Variants in FBXL7 observed in about 807,000 individuals in gnomAD.
The protein encoded by FBXL7 is F-box and leucine rich repeat protein 7.
A neutral mutation model predicts 38.3 loss-of-function variants in FBXL7; 12 were observed. The ratio of observed to expected loss-of-function variants is 0.31; its 90% CI spans 0.20 to 0.51. FBXL7 has a LOEUF of 0.51. Among genes scored for constraint, FBXL7 ranks in the 20% least tolerant of loss-of-function variants. The pLI is 0.98. For synonymous variants in FBXL7, 297 were observed against 300.9 expected, an observed-to-expected ratio of 0.99 and a Z score of 0.13; for missense variants, 567 against 676.4, an observed-to-expected ratio of 0.84 and a Z score of 1.79.
intron 2 of FBXL7, among the ~76,000 whole-genome samples, chr5:15,883,052 G>A (rs367815019): frequency 1.3e-5 from 2 of 151,866 alleles, no homozygotes; most frequent in African/African-American, 2.4e-5. Context: ...CTTTCAAAAT[G>A]GCAGCCAACT....
chr5:15,547,791 A>G (rs932272779), intron 1 of FBXL7, among the ~76,000 whole-genome samples: 15 of 152,190 alleles, frequency 9.9e-5, no homozygotes, highest in Non-Finnish European at 1.9e-4. Context: ...AGGATGGTGT[A>G]TCCCCAGCAC....
chr5:15,877,994 C>G (rs756738141), intron 2 of FBXL7, among the ~76,000 whole-genome samples: 1 of 152,088 alleles, frequency 6.6e-6, no homozygotes, highest in Non-Finnish European at 1.5e-5. Context: ...CCTAAAGGGG[C>G]GAGGTGCTGG....
intron 2 of FBXL7, among the ~76,000 whole-genome samples, chr5:15,798,493 A>T (rs1266071678): frequency 1.3e-5 from 2 of 152,236 alleles, no homozygotes; most frequent in African/African-American, 4.8e-5. Context: ...ATTTTCCCAA[A>T]AAATGGAGCA....
At chr5:15,503,219 A>AGCCTGT (rs1736547751) in intron 1 of FBXL7, among the ~76,000 whole-genome samples, 1 of 152,180 alleles carries the variant, frequency 6.6e-6, no homozygotes, top group African/African-American at 2.4e-5. Context: ...TCAGGAGTTC[A>AGCCTGT]AGACCAGGCT....
intron 1 of FBXL7, among the ~76,000 whole-genome samples, chr5:15,516,109 A>G (rs1467934792): frequency 1.3e-5 from 2 of 152,022 alleles, no homozygotes; most frequent in Admixed American, 6.5e-5. Flanking sequence ...TTTTTTTGAT[A>G]CACCGAGTAC....
At chr5:15,828,570 G>A (rs558587095) in intron 2 of FBXL7, among the ~76,000 whole-genome samples, 2 of 152,260 alleles carry the variant, frequency 1.3e-5, no homozygotes, top group East Asian at 1.9e-4. Context: ...TCTATTAATT[G>A]AACACCTTCT....
At chr5:15,898,829 T>TTTCATCTGGGATGTCAC (rs1472467888) in intron 2 of FBXL7, among the ~76,000 whole-genome samples, 1 of 152,204 alleles carries the variant, frequency 6.6e-6, no homozygotes, top group Admixed American at 6.5e-5. Context: ...TTCTGTTGCC[T>TTTCATCTGGGATGTCAC]TTCATCTGGG....
chr5:15,566,021 T>C (rs1738563321), intron 1 of FBXL7, among the ~76,000 whole-genome samples: 2 of 152,208 alleles, frequency 1.3e-5, no homozygotes, highest in South Asian at 4.1e-4. Flanking sequence ...ATCACACGTG[T>C]AAAACTTTCC....
chr5:15,926,248 A>G (rs992643571), intron 2 of FBXL7, among the ~76,000 whole-genome samples: 6 of 150,888 alleles, frequency 4.0e-5, no homozygotes, highest in Non-Finnish European at 8.8e-5. Context: ...AAATAAAACC[A>G]TATATGTGGT....
chr5:15,821,519 A>G (rs1033691406), intron 2 of FBXL7, among the ~76,000 whole-genome samples: 6 of 152,128 alleles, frequency 3.9e-5, no homozygotes, highest in African/African-American at 1.4e-4. Context: ...AATTTACTTA[A>G]CCTCTCAGAA....
At chr5:15,640,430 G>C (rs1299707674) in intron 2 of FBXL7, among the ~76,000 whole-genome samples, 1 of 152,092 alleles carries the variant, frequency 6.6e-6, no homozygotes, top group African/African-American at 2.4e-5. Context: ...GGTCCACTCT[G>C]CTGCAGGATA....
chr5:15,800,803 C>T (rs1231672238), intron 2 of FBXL7, among the ~76,000 whole-genome samples: 1 of 152,128 alleles, frequency 6.6e-6, no homozygotes, highest in African/African-American at 2.4e-5. Context: ...AGGCTAGTTA[C>T]CTCGGAAGTT....
At chr5:15,642,424 G>A (rs562813524) in intron 2 of FBXL7, among the ~76,000 whole-genome samples, 1 of 152,332 alleles carries the variant, frequency 6.6e-6, no homozygotes, top group African/African-American at 2.4e-5. Flanking sequence ...AACTCACAGA[G>A]TAAGAACGTT....
intron 2 of FBXL7, among the ~76,000 whole-genome samples, chr5:15,796,794 A>T (rs553753051): frequency 1.5e-4 from 23 of 152,212 alleles, no homozygotes; most frequent in Non-Finnish European, 2.6e-4. Flanking sequence ...TCCTTCCACA[A>T]CCTGAGGTAT....
chr5:15,533,250 G>C (rs569450555), intron 1 of FBXL7, among the ~76,000 whole-genome samples: 1 of 152,290 alleles, frequency 6.6e-6, no homozygotes, highest in African/African-American at 2.4e-5. Context: ...TTAATGCTCT[G>C]TGTACTGTGG....
chr5:15,512,998 A>G lies in FBXL7; in HGVS notation c.37+12285A>G, dbSNP rs1230312629. 2.6e-5 allele frequency among the ~76,000 whole-genome samples: 4 copies of G among 152,228 alleles called. No individual in the cohort carries two copies. The East Asian group carries it at 5.8e-4, about 22-fold the overall frequency. ...GAATCCTTTTAGATTCATACTAATC[A>G]AATGTGGCTTTGTAGCTCTAGTTTT... On this transcript the variant is annotated intron_variant, in intron 1 of 3. Transcript: ENST00000504595.
At chr5:15,870,206 G>C (rs1263194569) in intron 2 of FBXL7, among the ~76,000 whole-genome samples, 1 of 152,102 alleles carries the variant, frequency 6.6e-6, no homozygotes, top group Non-Finnish European at 1.5e-5. Context: ...GGGTGGGATG[G>C]GGATGATGTT....
At chr5:15,649,799 A>G (rs1741647163) in intron 2 of FBXL7, among the ~76,000 whole-genome samples, 1 of 149,612 alleles carries the variant, frequency 6.7e-6, no homozygotes, top group African/African-American at 2.5e-5. Context: ...CTGTCCCCTC[A>G]CTCACTTCTG....
intron 2 of FBXL7, among the ~76,000 whole-genome samples, chr5:15,658,771 T>C (rs1247028968): frequency 2.0e-5 from 3 of 152,154 alleles, no homozygotes; most frequent in African/African-American, 7.2e-5. Flanking sequence ...TTCACGATGC[T>C]TTTCCATACA....
Sources: allele counts gnomAD v4.1 joint callset (sites outside exome capture counted in the v4.1 genomes callset), GRCh38; gene constraint gnomAD v4.1.1; transcripts MANE v1.5; gene names NCBI Gene and HGNC (gene_info 2026-07-23, HGNC 2026-07-21).